The following SEMA6A variants were observed in gnomAD, a reference collection of about 807,000 sequenced individuals.
SEMA6A encodes the protein semaphorin-6A.
Under a neutral mutation model 96.8 loss-of-function variants are expected in SEMA6A, and 25 were observed. The observed-to-expected ratio is 0.26, with a 90% CI of 0.19 to 0.36. The LOEUF (loss-of-function observed/expected upper bound fraction) is 0.36. Among genes scored for constraint, SEMA6A ranks in the 10% least tolerant of loss-of-function variants. The pLI is 1.00. For missense variants in SEMA6A, 1,363 were observed against 1,323.1 expected (o/e 1.03, Z -0.47); for synonymous variants, 612 against 518.0 (o/e 1.18, Z -2.46).
At chr5:116,549,524 A>G (rs1760316087) in intron 1 of SEMA6A, among the ~76,000 whole-genome samples, 1 of 152,180 alleles carries the variant, frequency 6.6e-6, no homozygotes, top group African/African-American at 2.4e-5. Context: ...TAGGAGGCTA[A>G]TTTTCTTTTC....
Position 116,447,197 on chromosome 5 carries a change from C to T in SEMA6A, c.2509G>A (p.Glu837Lys), listed in dbSNP as rs953188712. The T allele has an allele frequency of 4.3e-6, 7 of 1,614,050 alleles. No individual in the cohort carries two copies. In the Admixed American group the frequency reaches 6.7e-5, roughly 15 times the overall value. The stretch of plus-strand genomic sequence containing the variant: ...TCCTCCAGCGCCATCTGGGCCACCT[C>T]GCTCATTTTGGGCTGGTCCACGTAC... Reference protein sequence around the residue: ...HEYVDQPKMSEVAQMALEDQA... With the variant: ...HEYVDQPKMSKVAQMALEDQA... The change falls in exon 19 of 19, where the codon GAG becomes AAG. Residue 837 changes from glutamate to lysine, a missense_variant. Coordinates refer to ENST00000343348, the MANE Select transcript of SEMA6A (RefSeq NM_020796.5).
chr5:116,480,320 T>C, intron 11 of SEMA6A, 43 bp from the exon 12 acceptor site: 1 of 1,608,006 alleles, frequency 6.2e-7, no homozygotes, highest in Non-Finnish European at 8.5e-7. Flanking sequence ...GCTTATTTTC[T>C]GCCTTATGGC....
chr5:116,444,350 C>A lies in SEMA6A; in HGVS notation c.*2263G>T, dbSNP rs752521620. On this transcript the variant is annotated 3_prime_UTR_variant, in exon 19 of 19. Transcript: ENST00000343348. The stretch of plus-strand genomic sequence containing the variant: ...TCAGCTAAGTACTCAGGTCTGAAGG[C>A]AACCACACTGATTATGGAGGCTCCA... The A allele has an allele frequency of 2.0e-5, 3 of 152,120 alleles. No homozygotes were observed. Among genetic ancestry groups the A allele is most frequent in the South Asian group, 2.1e-4 (1 of 4,826 alleles). 9.4% of individuals were successfully genotyped at this position (152,120 alleles called of 1,614,324 possible).
Position 116,498,568 on chromosome 5 carries a change from G to T in SEMA6A, c.219-1181C>A, listed in dbSNP as rs1757722244. 7 of 152,060 alleles carry T rather than the reference G, an allele frequency of 4.6e-5. No individual in the cohort carries two copies. The South Asian group carries it at 6.2e-4, about 14-fold the overall frequency. 9.4% of individuals were successfully genotyped at this position (152,060 alleles called of 1,614,324 possible). A position where few individuals can be genotyped will look rare whatever the true frequency, so the allele number is the denominator to read the frequency against. Reference sequence around the variant, plus strand: ...CTTGCCAGCTACTGTGAGTGTGCATGGGGGGAGGGGGTGGAAGGGGGTGGA... The same window carrying T: ...CTTGCCAGCTACTGTGAGTGTGCATTGGGGGAGGGGGTGGAAGGGGGTGGA... On this transcript the variant is annotated intron_variant, in intron 3 of 18. Transcript: ENST00000343348.
chr5:116,508,437 T>G (rs1452411361), intron 1 of SEMA6A, among the ~76,000 whole-genome samples: 1 of 152,022 alleles, frequency 6.6e-6, no homozygotes. Flanking sequence ...ATGAGTCAGT[T>G]TAACAAGCCA....
chr5:116,530,113 A>G (rs979674076), intron 1 of SEMA6A, among the ~76,000 whole-genome samples: 11 of 152,198 alleles, frequency 7.2e-5, no homozygotes, highest in African/African-American at 2.4e-4. Context: ...TGTTTTCCCA[A>G]TCAGAAAGTG....
chr5:116,478,983 A>C (rs893246067), intron 12 of SEMA6A, among the ~76,000 whole-genome samples: 1 of 151,784 alleles, frequency 6.6e-6, no homozygotes, highest in South Asian at 2.1e-4. Context: ...AAGTACTATA[A>C]TAGCCAAAAC....
chr5:116,492,963 C>G (rs1319897584), intron 6 of SEMA6A, among the ~76,000 whole-genome samples: 4 of 152,192 alleles, frequency 2.6e-5, no homozygotes, highest in Non-Finnish European at 5.9e-5. Context: ...TCCCCTGAGT[C>G]TAAAAATACA....
intron 17 of SEMA6A, 132 bp downstream of exon 17, chr5:116,472,941 A>G: frequency 6.5e-7 from 1 of 1,528,348 alleles, no homozygotes; most frequent in Non-Finnish European, 8.8e-7. Flanking sequence ...AATGTCTATA[A>G]AAAAATGATG....
chr5:116,473,936 A>G (rs554584123), intron 16 of SEMA6A, among the ~76,000 whole-genome samples: 3 of 152,276 alleles, frequency 2.0e-5, no homozygotes, highest in African/African-American at 7.2e-5. Context: ...GCACACTACA[A>G]AGCACGAAGG....
intron 1 of SEMA6A, among the ~76,000 whole-genome samples, chr5:116,541,156 AAC>A (rs1391221245): frequency 6.6e-6 from 1 of 152,106 alleles, no homozygotes; most frequent in Non-Finnish European, 1.5e-5. Context: ...GTGGAGGGTA[AAC>A]ACAACAGTTG....
chr5:116,460,543 AAATG>A (rs1755319819), intron 18 of SEMA6A, among the ~76,000 whole-genome samples: 2 of 152,294 alleles, frequency 1.3e-5, no homozygotes, highest in South Asian at 2.1e-4. Context: ...GGATAAACAA[AAATG>A]TTTTAGTTAA....
At chr5:116,510,157 GTC>G (rs1446104922) in intron 1 of SEMA6A, among the ~76,000 whole-genome samples, 1 of 152,102 alleles carries the variant, frequency 6.6e-6, no homozygotes, top group African/African-American at 2.4e-5. Context: ...ATACTGCCTA[GTC>G]TCAACTTCAG....
chr5:116,498,573 G>C (rs1043046984), intron 3 of SEMA6A: 1 of 151,700 alleles, frequency 6.6e-6, no homozygotes. Context: ...TGCATGGGGG[G>C]AGGGGGTGGA....
At chr5:116,453,271 C>T (rs1004664906) in intron 18 of SEMA6A, among the ~76,000 whole-genome samples, 1 of 152,310 alleles carries the variant, frequency 6.6e-6, no homozygotes, top group South Asian at 2.1e-4. Flanking sequence ...TTTTCCCACT[C>T]ATCAGACCCT....
chr5:116,473,396 C>A (rs921413035), intron 16 of SEMA6A, among the ~76,000 whole-genome samples: 1 of 152,222 alleles, frequency 6.6e-6, no homozygotes, highest in Admixed American at 6.5e-5. Flanking sequence ...AGAGTTTAAA[C>A]CCTTCTTTAT....
chr5:116,463,826 G>A (rs1027295162), intron 18 of SEMA6A, among the ~76,000 whole-genome samples: 1 of 152,174 alleles, frequency 6.6e-6, no homozygotes, highest in Middle Eastern at 3.2e-3. Flanking sequence ...TGAAGTAGGG[G>A]ATTTTTATTC....
intron 1 of SEMA6A, among the ~76,000 whole-genome samples, chr5:116,531,105 T>C (rs746392923): frequency 2.6e-5 from 4 of 152,154 alleles, no homozygotes; most frequent in Admixed American, 2.0e-4. Context: ...ATCATAGTCA[T>C]TTCCCTAATC....
chr5:116,462,777 C>A (rs153743), intron 18 of SEMA6A, among the ~76,000 whole-genome samples: 70,917 of 151,970 alleles, frequency 0.47, 17,457 homozygotes, highest in Non-Finnish European at 0.55. Context: ...TTTAATCTTC[C>A]CTGGACTCCT....
Sources: gnomAD v4.1 joint callset for allele counts (sites outside exome capture counted in the v4.1 genomes callset) on GRCh38, gnomAD v4.1.1 for gene constraint, MANE v1.5 for transcripts, NCBI Gene and HGNC (gene_info 2026-07-23, HGNC 2026-07-21) for gene names.